Variants in IGSF21 observed in about 807,000 individuals in gnomAD.
The protein encoded by IGSF21 is immunoglobulin superfamily member 21.
IGSF21 carries 28 observed loss-of-function variants against 46.8 expected under a neutral mutation model. The observed-to-expected ratio is 0.60, with a 90% CI of 0.44 to 0.82. The LOEUF is 0.82. IGSF21 is among the 40% of genes least tolerant of loss of function. The probability of loss-of-function intolerance (pLI) is 0.00; values close to 1 mark genes in which losing one functional copy is unlikely to be tolerated. For missense variants in IGSF21, 624 were observed against 665.5 expected, an observed-to-expected ratio of 0.94 and a Z score of 0.69; for synonymous variants, 284 against 273.6, an observed-to-expected ratio of 1.04 and a Z score of -0.38.
chr1:18,235,418 C>T (rs986323104), intron 2 of IGSF21, among the ~76,000 whole-genome samples: 13 of 152,094 alleles, frequency 8.5e-5, no homozygotes, highest in African/African-American at 1.7e-4. Context: ...TAATGATAAG[C>T]GCAGTGCATA....
In IGSF21 at chr1:18,359,400, A is replaced by C. The variant is rs540264615; in HGVS notation, c.425-2715A>C. On this transcript the variant is annotated intron_variant, in intron 4 of 9. Transcript: ENST00000251296. ...AAAGAAAGAAAGGAAGGAAGGAAGG[A>C]AGGAAGGAAGGAAGGAAGGAAGGAA... 2.0e-3 allele frequency among the ~76,000 whole-genome samples: 274 copies of C among 140,510 alleles called. 1 individual carries two copies. The highest frequency in any genetic ancestry group is 7.3e-3 in the African/African-American group (270 of 36,808). 92.2% of individuals were successfully genotyped at this position (140,510 alleles called of 152,430 possible).
chr1:18,324,041 C>T (rs1379244804), intron 3 of IGSF21, among the ~76,000 whole-genome samples: 3 of 152,078 alleles, frequency 2.0e-5, no homozygotes, highest in African/African-American at 7.2e-5. Flanking sequence ...CTCCCCCATC[C>T]CACTCCCAGG....
intron 4 of IGSF21, chr1:18,361,877 C>T: frequency 1.9e-6 from 1 of 516,904 alleles, no homozygotes; most frequent in Non-Finnish European, 3.5e-6. Flanking sequence ...CTCTTGATTC[C>T]TGTGTGTCTT....
At chr1:18,343,965 A>G (rs1266407377) in intron 4 of IGSF21, among the ~76,000 whole-genome samples, 1 of 152,144 alleles carries the variant, frequency 6.6e-6, no homozygotes, top group African/African-American at 2.4e-5. Context: ...GGGACTGGTG[A>G]GGGTTCCCAG....
intron 3 of IGSF21, among the ~76,000 whole-genome samples, chr1:18,293,696 A>G (rs1009941966): frequency 1.3e-5 from 2 of 152,188 alleles, no homozygotes; most frequent in African/African-American, 2.4e-5. Context: ...GAAACCACAG[A>G]TGGTTTTGTA....
intron 4 of IGSF21, among the ~76,000 whole-genome samples, chr1:18,359,233 G>T (rs2086056828): frequency 6.7e-6 from 1 of 149,780 alleles, no homozygotes; most frequent in African/African-American, 2.5e-5. Context: ...AGCCATGATT[G>T]TGCCAGTTCA....
chr1:18,317,259 A>G (rs888407094), intron 3 of IGSF21, among the ~76,000 whole-genome samples: 1 of 152,062 alleles, frequency 6.6e-6, no homozygotes, highest in African/African-American at 2.4e-5. Flanking sequence ...AAAAAAACAC[A>G]TTTCATCTTT....
chr1:18,338,441 A>C (rs2085794096), intron 4 of IGSF21, among the ~76,000 whole-genome samples: 1 of 152,152 alleles, frequency 6.6e-6, no homozygotes. Flanking sequence ...CACTGCAGCC[A>C]AACTGGGGCA....
At chr1:18,262,407 G>A (rs1019028960) in intron 2 of IGSF21, among the ~76,000 whole-genome samples, 1 of 152,170 alleles carries the variant, frequency 6.6e-6, no homozygotes, top group African/African-American at 2.4e-5. Context: ...GTCCGGCTTT[G>A]AATCCTGGCC....
intron 3 of IGSF21, among the ~76,000 whole-genome samples, chr1:18,320,130 A>G (rs981965317): frequency 2.6e-5 from 4 of 152,198 alleles, no homozygotes; most frequent in Non-Finnish European, 4.4e-5. Flanking sequence ...CCATCTCCCC[A>G]TGGCACTGAG....
chr1:18,320,016 C>T (rs571534070), intron 3 of IGSF21, among the ~76,000 whole-genome samples: 19 of 152,278 alleles, frequency 1.2e-4, no homozygotes, highest in Non-Finnish European at 2.2e-4. Flanking sequence ...TACTCAGTAA[C>T]GATATGTTGG....
chr1:18,275,753 G>C (rs1044346818), intron 2 of IGSF21, among the ~76,000 whole-genome samples: 6 of 152,138 alleles, frequency 3.9e-5, no homozygotes, highest in Admixed American at 6.5e-5. Flanking sequence ...CAGGAGACAG[G>C]AAGCCAGATG....
At chr1:18,336,115 C>T (rs2085763357) in intron 4 of IGSF21, among the ~76,000 whole-genome samples, 1 of 152,226 alleles carries the variant, frequency 6.6e-6, no homozygotes, top group African/African-American at 2.4e-5. Context: ...TCACAATGTA[C>T]TGAGCACCTA....
chr1:18,329,945 A>G (rs1190369445), intron 3 of IGSF21, among the ~76,000 whole-genome samples: 1 of 152,152 alleles, frequency 6.6e-6, no homozygotes, highest in Admixed American at 6.5e-5. Flanking sequence ...CAAAAACACA[A>G]TTACTCACCC....
chr1:18,309,203 C>T (rs1310341988), intron 3 of IGSF21, among the ~76,000 whole-genome samples: 1 of 152,020 alleles, frequency 6.6e-6, no homozygotes, highest in Non-Finnish European at 1.5e-5. Context: ...ACTGTCATTG[C>T]CCTTTGGGGA....
In IGSF21 at chr1:18,292,018, G is replaced by A. The variant is rs779832298; in HGVS notation, c.305+31G>A. The stretch of plus-strand genomic sequence containing the variant: ...TGCCTGGGGGTGGCGGGCCGACAGC[G>A]GGGGAAGGGCGGAGGGATGGGGAGT... On this transcript the variant is annotated intron_variant, in intron 3 of 9. Transcript: ENST00000251296. 2.5e-5 allele frequency: 40 copies of A among 1,607,158 alleles called. 1 individual carries two copies. In the East Asian group the frequency reaches 3.1e-4, roughly 13 times the overall value.
chr1:18,320,687 C>G (rs922050369), intron 3 of IGSF21, among the ~76,000 whole-genome samples: 13 of 152,232 alleles, frequency 8.5e-5, no homozygotes, highest in Non-Finnish European at 1.5e-5. Context: ...AGAGAGAGAT[C>G]TCCAGCCATT....
intron 2 of IGSF21, among the ~76,000 whole-genome samples, chr1:18,255,249 C>T (rs751093538): frequency 6.6e-6 from 1 of 152,188 alleles, no homozygotes; most frequent in African/African-American, 2.4e-5. Context: ...AAACTTCACT[C>T]TGCACTCCCC....
chr1:18,137,556 T>C (rs2086377609), intron 1 of IGSF21, among the ~76,000 whole-genome samples: 1 of 152,124 alleles, frequency 6.6e-6, no homozygotes, highest in South Asian at 2.1e-4. Context: ...GGCAGCACCA[T>C]ATTTCATAGC....
Sources: gnomAD v4.1 joint callset for allele counts (sites outside exome capture counted in the v4.1 genomes callset) on GRCh38, gnomAD v4.1.1 for gene constraint, MANE v1.5 for transcripts, NCBI Gene and HGNC (gene_info 2026-07-23, HGNC 2026-07-21) for gene names.